OSBPL9: variants seen among roughly 807,000 people sequenced by gnomAD.
OSBPL9 encodes oxysterol binding protein like 9.
A neutral mutation model predicts 106.6 loss-of-function variants in OSBPL9; 40 were observed. The ratio of observed to expected loss-of-function variants is 0.38; its 90% CI spans 0.29 to 0.49. OSBPL9 has a LOEUF of 0.49. Ranked by LOEUF, OSBPL9 falls within the 20% of genes least tolerant of loss-of-function variation. The pLI is 0.97. For missense variants in OSBPL9, 609 were observed against 887.2 expected, an observed-to-expected ratio of 0.69 and a Z score of 3.98; for synonymous variants, 269 against 295.4, an observed-to-expected ratio of 0.91 and a Z score of 0.92.
intron 1 of OSBPL9, among the ~76,000 whole-genome samples, chr1:51,591,435 A>G (rs1557577847): frequency 6.6e-6 from 1 of 152,156 alleles, no homozygotes; most frequent in African/African-American, 2.4e-5. Context: ...GATAGAGAAC[A>G]CCGGGGGAAA....
intron 3 of OSBPL9, among the ~76,000 whole-genome samples, chr1:51,695,720 C>T (rs993218842): frequency 2.6e-5 from 4 of 152,110 alleles, no homozygotes; most frequent in Non-Finnish European, 5.9e-5. Context: ...TTGTGAAATA[C>T]TAAACTTTTC....
At chr1:51,702,908 C>T (rs1417405038) in intron 3 of OSBPL9, among the ~76,000 whole-genome samples, 4 of 152,192 alleles carry the variant, frequency 2.6e-5, no homozygotes, top group Non-Finnish European at 5.9e-5. Flanking sequence ...GGAATGCTTT[C>T]CCCATTTCTT....
chr1:51,697,289 T>C (rs1156745482), intron 3 of OSBPL9, among the ~76,000 whole-genome samples: 2 of 152,146 alleles, frequency 1.3e-5, no homozygotes, highest in Admixed American at 6.5e-5. Context: ...ATGAATTGTT[T>C]TATCCTTGCT....
chr1:51,722,134 A>C (rs1307668925), intron 4 of OSBPL9, among the ~76,000 whole-genome samples: 1 of 151,852 alleles, frequency 6.6e-6, no homozygotes, highest in Non-Finnish European at 1.5e-5. Context: ...TAGCTTGGTC[A>C]ACATAATGAG....
In OSBPL9 at chr1:51,766,003, G is replaced by A. The variant is rs760019346; in HGVS notation, c.938+22G>A. The A allele has an allele frequency of 4.5e-6, 7 of 1,556,124 alleles. No individual in the cohort carries two copies. The East Asian group carries it at 7.0e-5, about 15-fold the overall frequency. On this transcript the variant is annotated intron_variant, in intron 12 of 23. Transcript: ENST00000428468. ...TAGAGTGAGTAGATGAACAGAATAT[G>A]TATTTAAATGATTCTCCTGATTTTT...
intron 1 of OSBPL9, among the ~76,000 whole-genome samples, chr1:51,582,212 G>A (rs1335704381): frequency 6.6e-6 from 1 of 152,206 alleles, no homozygotes; most frequent in East Asian, 1.9e-4. Flanking sequence ...GTTAACTGAT[G>A]TATTAATTCC....
chr1:51,732,781 T>C (rs930436255), intron 4 of OSBPL9, among the ~76,000 whole-genome samples: 5 of 152,224 alleles, frequency 3.3e-5, no homozygotes, highest in African/African-American at 1.2e-4. Context: ...GCCGCTCTTA[T>C]AGTTAAGAAT....
At chr1:51,550,715 C>T in the OSBPL9 span, among the ~76,000 whole-genome samples, 2 of 152,000 alleles carry the variant, frequency 1.3e-5, no homozygotes, top group Non-Finnish European at 2.9e-5. Flanking sequence ...GGTTTCACCA[C>T]ATTAGCCAGG....
intron 11 of OSBPL9, chr1:51,765,398 G>T (rs1053021017): frequency 5.9e-5 from 9 of 153,074 alleles, no homozygotes; most frequent in African/African-American, 2.2e-4. Context: ...TGTTTATGTG[G>T]TCTTAATATT....
chr1:51,767,212 G>A (rs139070099), intron 12 of OSBPL9, among the ~76,000 whole-genome samples: 8 of 152,046 alleles, frequency 5.3e-5, no homozygotes, highest in African/African-American at 1.9e-4. Flanking sequence ...TGGGCAACAT[G>A]GTAAAACCCT....
At chr1:51,740,463 T>G (rs1355418074) in intron 4 of OSBPL9, among the ~76,000 whole-genome samples, 1 of 152,078 alleles carries the variant, frequency 6.6e-6, no homozygotes, top group Non-Finnish European at 1.5e-5. Flanking sequence ...TGTTGTGTGT[T>G]TTTTCTTTGT....
At position 51,729,803 on chromosome 1, in the gene OSBPL9, G is replaced by T; in HGVS notation, c.318+15724G>T. 1 of 1,238,408 alleles carries T rather than the reference G, an allele frequency of 8.1e-7. No individual in the cohort carries two copies. Among genetic ancestry groups the T allele is most frequent in the East Asian group, 3.2e-5 (1 of 31,602 alleles). 76.7% of individuals were successfully genotyped at this position (1,238,408 alleles called of 1,614,324 possible). On this transcript the variant is annotated intron_variant, in intron 4 of 23. Coordinates refer to ENST00000428468, the MANE Select transcript of OSBPL9 (RefSeq NM_024586.6). The surrounding 1 kb of genome is among the most constrained non-coding windows in gnomAD (Gnocchi z 5.1). ...CCTCCGCCGGGGAGGGGACGGGAAA[G>T]GGGTGGGGGGTGAAGGGGGTGAAGG...
At chr1:51,643,601 C>A (rs1645946645) in intron 1 of OSBPL9, among the ~76,000 whole-genome samples, 2 of 152,016 alleles carry the variant, frequency 1.3e-5, no homozygotes, top group African/African-American at 4.8e-5. Context: ...CTAGAGAGAG[C>A]AAATTGATAA....
chr1:51,711,549 G>A (rs1285595057), intron 3 of OSBPL9, among the ~76,000 whole-genome samples: 11 of 121,478 alleles, frequency 9.1e-5, no homozygotes, highest in East Asian at 2.4e-4. Flanking sequence ...GGTGGCTGCC[G>A]GGCGGAGATG....
chr1:51,717,770 A>G (rs1279079073), intron 4 of OSBPL9, among the ~76,000 whole-genome samples: 2 of 152,074 alleles, frequency 1.3e-5, no homozygotes, highest in Admixed American at 1.3e-4. Context: ...AGGAATGTAA[A>G]TTAGTACAGC....
chr1:51,526,440 C>T, the OSBPL9 span, among the ~76,000 whole-genome samples: 1 of 152,298 alleles, frequency 6.6e-6, no homozygotes, highest in East Asian at 1.9e-4. Flanking sequence ...ATGTTTCTCT[C>T]TGGAGATTCT....
At chr1:51,744,812 CTTGGA>C (rs1341308341) in intron 4 of OSBPL9, among the ~76,000 whole-genome samples, 1 of 152,208 alleles carries the variant, frequency 6.6e-6, no homozygotes, top group Non-Finnish European at 1.5e-5. Flanking sequence ...ATCCCATGCT[CTTGGA>C]GCTTAAACTC....
At chr1:51,645,780 ATC>A (rs1646117138) in intron 1 of OSBPL9, among the ~76,000 whole-genome samples, 1 of 151,930 alleles carries the variant, frequency 6.6e-6, no homozygotes, top group Admixed American at 6.6e-5. Context: ...TAGGTCTTGG[ATC>A]CATTTTGAGT....
upstream of OSBPL9, among the ~76,000 whole-genome samples, chr1:51,574,618 CA>C (rs971845724): frequency 6.9e-5 from 10 of 144,882 alleles, no homozygotes; most frequent in African/African-American, 1.0e-4. Context: ...GACTCTGTAT[CA>C]AAAAAAAAAT....
Sources: allele counts gnomAD v4.1 joint callset (sites outside exome capture counted in the v4.1 genomes callset), GRCh38; gene constraint gnomAD v4.1.1; non-coding constraint Gnocchi (gnomAD v3.1); transcripts MANE v1.5; gene names NCBI Gene and HGNC (gene_info 2026-07-23, HGNC 2026-07-21).